AGBL4: variants seen among roughly 807,000 people sequenced by gnomAD.
AGBL4 encodes the protein cytosolic carboxypeptidase 6.
In AGBL4, 58 loss-of-function variants were observed where a neutral mutation model predicts 66.4. The ratio of observed to expected loss-of-function variants is 0.87; its 90% CI spans 0.71 to 1.09. AGBL4 has a LOEUF of 1.09. Ranked by LOEUF, AGBL4 falls within the 50% of genes least tolerant of loss-of-function variation. The pLI, the probability that AGBL4 is intolerant of heterozygous loss-of-function variation, is 0.00. For synonymous variants in AGBL4, 234 were observed against 222.9 expected (o/e 1.05, Z -0.44); for missense variants, 579 against 631.0 (o/e 0.92, Z 0.88).
At chr1:49,760,633 A>G (rs1571506052) in intron 2 of AGBL4, among the ~76,000 whole-genome samples, 1 of 152,206 alleles carries the variant, frequency 6.6e-6, no homozygotes, top group African/African-American at 2.4e-5. Flanking sequence ...AGGATCTAGA[A>G]CCAGAAATAC....
At chr1:48,572,714 C>G (rs1435676120) in intron 11 of AGBL4, among the ~76,000 whole-genome samples, 1 of 152,112 alleles carries the variant, frequency 6.6e-6, no homozygotes, top group African/African-American at 2.4e-5. Context: ...CTGTCTCCAG[C>G]CCCACAAAGA....
At chr1:49,779,167 C>G (rs1644274030) in intron 2 of AGBL4, among the ~76,000 whole-genome samples, 1 of 152,082 alleles carries the variant, frequency 6.6e-6, no homozygotes, top group African/African-American at 2.4e-5. Context: ...ACTCCTTATT[C>G]CTGGTGGTCA....
chr1:49,251,683 A>G (rs1652080330), intron 3 of AGBL4, among the ~76,000 whole-genome samples: 1 of 152,066 alleles, frequency 6.6e-6, no homozygotes, highest in Non-Finnish European at 1.5e-5. Context: ...ATCTGCCAGC[A>G]CTCTGCTGCA....
rs141330853 is a variant in AGBL4, at chr1:49,807,097, G to T, written c.157+44299C>A. On this transcript the variant is annotated intron_variant, in intron 2 of 13. Transcript: ENST00000371839. ...CAGAGTGCTGGGTTGAGCTGGCTGA[G>T]AGTGGGGCAATTGCAGAGAGTCTCC... is the stretch of plus-strand genomic sequence containing the variant. 2.0e-5 allele frequency among the ~76,000 whole-genome samples: 3 copies of T among 152,290 alleles called. No homozygotes were observed. The East Asian group carries it at 5.8e-4, about 29-fold the overall frequency.
intron 5 of AGBL4, among the ~76,000 whole-genome samples, chr1:49,040,783 T>C (rs181160996): frequency 9.2e-5 from 14 of 152,090 alleles, no homozygotes; most frequent in Admixed American, 9.2e-4. Context: ...GGACTGGAAG[T>C]GAGAATTAAC....
At chr1:50,003,340 A>G (rs1660905802) in intron 1 of AGBL4, among the ~76,000 whole-genome samples, 1 of 152,246 alleles carries the variant, frequency 6.6e-6, no homozygotes, top group African/African-American at 2.4e-5. Context: ...CAGTGCATTC[A>G]AAGATTGCTT....
chr1:49,224,135 T>C (rs1445494595), intron 4 of AGBL4, among the ~76,000 whole-genome samples: 1 of 152,186 alleles, frequency 6.6e-6, no homozygotes, highest in African/African-American at 2.4e-5. Context: ...GAGACACAAA[T>C]CTGTATCATT....
intron 6 of AGBL4, among the ~76,000 whole-genome samples, chr1:48,710,231 G>A (rs1557894849): frequency 6.6e-6 from 1 of 152,172 alleles, no homozygotes; most frequent in African/African-American, 2.4e-5. Flanking sequence ...AACAGGGAGG[G>A]CACTGAGGTT....
intron 4 of AGBL4, among the ~76,000 whole-genome samples, chr1:49,214,747 C>G (rs1027309724): frequency 6.6e-6 from 1 of 152,044 alleles, no homozygotes; most frequent in African/African-American, 2.4e-5. Flanking sequence ...TAGACTGAGA[C>G]TAGTAATAAG....
At chr1:49,095,477 C>A (rs1196147166) in intron 4 of AGBL4, among the ~76,000 whole-genome samples, 1 of 152,028 alleles carries the variant, frequency 6.6e-6, no homozygotes, top group East Asian at 1.9e-4. Context: ...GTACTGGTAC[C>A]AAAACAGAGA....
intron 2 of AGBL4, among the ~76,000 whole-genome samples, chr1:49,737,197 C>T (rs902910228): frequency 6.6e-6 from 1 of 151,968 alleles, no homozygotes; most frequent in African/African-American, 2.4e-5. Context: ...ATACTCAAAA[C>T]GAAATAAATC....
chr1:49,710,212 T>C (rs1647542385), intron 2 of AGBL4, among the ~76,000 whole-genome samples: 1 of 152,142 alleles, frequency 6.6e-6, no homozygotes, highest in Non-Finnish European at 1.5e-5. Context: ...AATGGTAGAC[T>C]GGATAAAGAA....
intron 3 of AGBL4, among the ~76,000 whole-genome samples, chr1:49,665,090 T>TGGAAA (rs1329100778): frequency 6.6e-6 from 1 of 152,150 alleles, no homozygotes; most frequent in East Asian, 1.9e-4. Context: ...TTTGAAATAT[T>TGGAAA]TTGTCTATTT....
intron 9 of AGBL4, among the ~76,000 whole-genome samples, chr1:48,593,793 G>T (rs1203322651): frequency 6.6e-6 from 1 of 152,042 alleles, no homozygotes; most frequent in Admixed American, 6.6e-5. Flanking sequence ...TAAATTCCTA[G>T]AAGTGAAATT....
intron 8 of AGBL4, among the ~76,000 whole-genome samples, chr1:48,640,495 T>C (rs996376057): frequency 6.6e-6 from 1 of 152,208 alleles, no homozygotes; most frequent in Admixed American, 6.5e-5. Flanking sequence ...TTCAGATATA[T>C]TTTGAAAAGT....
chr1:49,070,170 A>G (rs1290062074), intron 4 of AGBL4, among the ~76,000 whole-genome samples: 5 of 151,970 alleles, frequency 3.3e-5, no homozygotes, highest in Admixed American at 2.0e-4. Context: ...CAATCATGTC[A>G]TCTGCAAACA....
At chr1:49,703,801 G>T (rs1469612104) in intron 2 of AGBL4, among the ~76,000 whole-genome samples, 2 of 151,992 alleles carry the variant, frequency 1.3e-5, no homozygotes, top group East Asian at 3.9e-4. Flanking sequence ...AGATGAGAGT[G>T]TTATTTACAT....
chr1:48,698,430 G>A (rs1161128590), intron 6 of AGBL4, among the ~76,000 whole-genome samples: 1 of 152,174 alleles, frequency 6.6e-6, no homozygotes, highest in South Asian at 2.1e-4. Flanking sequence ...TTGACTCAAA[G>A]AAAAAGGAAA....
chr1:49,395,789 G>GTATACA (rs1557900305), intron 3 of AGBL4, among the ~76,000 whole-genome samples: 5 of 121,344 alleles, frequency 4.1e-5, no homozygotes, highest in African/African-American at 9.6e-5. Flanking sequence ...GTGTATATAT[G>GTATACA]TATATATATA....
Sources: gnomAD v4.1 joint callset for allele counts (sites outside exome capture counted in the v4.1 genomes callset) on GRCh38, gnomAD v4.1.1 for gene constraint, MANE v1.5 for transcripts, NCBI Gene and HGNC (gene_info 2026-07-23, HGNC 2026-07-21) for gene names.